Variants in KCNK5 observed in about 807,000 individuals in gnomAD.
KCNK5 encodes the protein potassium two pore domain channel subfamily K member 5.
KCNK5 carries 18 observed loss-of-function variants against 32.9 expected under a neutral mutation model. That is an observed-to-expected ratio of 0.55 (90% CI 0.38 to 0.81). The LOEUF (loss-of-function observed/expected upper bound fraction) is 0.81. Ranked by LOEUF, KCNK5 falls within the 30% of genes least tolerant of loss-of-function variation. The pLI is 0.00. For synonymous variants in KCNK5, 276 were observed against 275.3 expected (o/e 1.00, Z -0.03); for missense variants, 507 against 651.0 (o/e 0.78, Z 2.41).
Position 39,229,277 on chromosome 6 carries a change from G to A in KCNK5, c.-166C>T. 1 of 761,940 alleles carries A rather than the reference G, an allele frequency of 1.3e-6. No homozygotes were observed. Among genetic ancestry groups the A allele is most frequent in the Non-Finnish European group, 2.1e-6 (1 of 485,216 alleles). 47.2% of individuals were successfully genotyped at this position (761,940 alleles called of 1,614,324 possible). On this transcript the variant is annotated 5_prime_UTR_variant, in exon 1 of 5. Coordinates refer to ENST00000359534, the MANE Select transcript of KCNK5 (RefSeq NM_003740.4). ...ACCGCTCCCCGGACAGAGTTGCTTG[G>A]CCAAGTTGGCCCACGGAGTGCGGGG...
chr6:39,211,872 G>C (rs540304067), intron 1 of KCNK5, among the ~76,000 whole-genome samples: 1 of 152,256 alleles, frequency 6.6e-6, no homozygotes, highest in East Asian at 1.9e-4. Context: ...GTTGAGGCAA[G>C]AGAATCTCTT....
At chr6:39,221,859 C>T (rs1325475243) in intron 1 of KCNK5, among the ~76,000 whole-genome samples, 1 of 152,218 alleles carries the variant, frequency 6.6e-6, no homozygotes, top group Non-Finnish European at 1.5e-5. Flanking sequence ...CATCTACAAC[C>T]CACCACTGAG....
In KCNK5 at chr6:39,207,387, T is replaced by A. The variant is rs1200494693; in HGVS notation, c.187-11400A>T. The stretch of plus-strand genomic sequence containing the variant: ...CTAGCTCTAGTATGTGCTCAAGTAT[T>A]TGCCAATGAATGACTGAGTCTCCAA... On this transcript the variant is annotated intron_variant, in intron 1 of 4. Coordinates refer to ENST00000359534, the MANE Select transcript of KCNK5 (RefSeq NM_003740.4). 6.1e-4 allele frequency among the ~76,000 whole-genome samples: 93 copies of A among 152,194 alleles called. 1 individual carries two copies. The highest frequency in any genetic ancestry group is 6.0e-3 in the Admixed American group (92 of 15,282).
At chr6:39,200,945 TG>T in intron 1 of KCNK5, among the ~76,000 whole-genome samples, 1 of 152,004 alleles carries the variant, frequency 6.6e-6, no homozygotes, top group Non-Finnish European at 1.5e-5. Flanking sequence ...CAGGGCAAGG[TG>T]GGGGCTTCCC....
At chr6:39,206,741 T>G (rs1771232044) in intron 1 of KCNK5, among the ~76,000 whole-genome samples, 1 of 152,096 alleles carries the variant, frequency 6.6e-6, no homozygotes, top group African/African-American at 2.4e-5. Flanking sequence ...GACTCCAGCA[T>G]CCACTAGCGG....
chr6:39,193,553 C>T (rs61507417), intron 4 of KCNK5, among the ~76,000 whole-genome samples: 1 of 152,232 alleles, frequency 6.6e-6, no homozygotes, highest in African/African-American at 2.4e-5. Flanking sequence ...ACATGTGTGG[C>T]TGGGGCCAGC....
intron 1 of KCNK5, among the ~76,000 whole-genome samples, chr6:39,202,962 A>T (rs1771157589): frequency 6.6e-6 from 1 of 152,168 alleles, no homozygotes; most frequent in Non-Finnish European, 1.5e-5. Flanking sequence ...GCACACATGA[A>T]AAGAACCTAG....
intron 1 of KCNK5, among the ~76,000 whole-genome samples, chr6:39,226,810 G>A (rs1295222832): frequency 6.6e-6 from 1 of 152,100 alleles, no homozygotes; most frequent in Non-Finnish European, 1.5e-5. Context: ...TTCCTATGAC[G>A]GGAAGGGACT....
intron 1 of KCNK5, among the ~76,000 whole-genome samples, chr6:39,210,787 G>T (rs1214745331): frequency 5.9e-5 from 9 of 152,186 alleles, no homozygotes; most frequent in Non-Finnish European, 1.0e-4. Flanking sequence ...CAAACCAACA[G>T]CGAGGCCAGG....
At chr6:39,218,653 G>A (rs1470474119) in intron 1 of KCNK5, among the ~76,000 whole-genome samples, 1 of 152,178 alleles carries the variant, frequency 6.6e-6, no homozygotes, top group African/African-American at 2.4e-5. Context: ...GGATGCACAC[G>A]AGCACAGTCT....
intron 1 of KCNK5, among the ~76,000 whole-genome samples, chr6:39,212,067 C>T (rs1489428191): frequency 1.3e-5 from 2 of 151,352 alleles, no homozygotes; most frequent in Non-Finnish European, 2.9e-5. Context: ...GTAGGCAGAT[C>T]ACTTGGAAGT....
chr6:39,196,704 C>T (rs1771037734), intron 1 of KCNK5, among the ~76,000 whole-genome samples: 1 of 152,236 alleles, frequency 6.6e-6, no homozygotes, highest in African/African-American at 2.4e-5. Flanking sequence ...TTCCCTGTAG[C>T]CCTTTCTCTC....
intron 1 of KCNK5, among the ~76,000 whole-genome samples, chr6:39,198,961 G>A (rs1360231130): frequency 6.6e-6 from 1 of 152,180 alleles, no homozygotes; most frequent in African/African-American, 2.4e-5. Flanking sequence ...GTTCTCCACT[G>A]GGGTGGTAGT....
chr6:39,212,521 G>A (rs541996502), intron 1 of KCNK5, among the ~76,000 whole-genome samples: 37 of 152,306 alleles, frequency 2.4e-4, no homozygotes, highest in African/African-American at 8.7e-4. Context: ...ACAGTCCTGT[G>A]CTGTTTCAAG....
intron 1 of KCNK5, among the ~76,000 whole-genome samples, chr6:39,219,850 G>A (rs1771508427): frequency 1.3e-5 from 2 of 152,250 alleles, no homozygotes; most frequent in African/African-American, 4.8e-5. Flanking sequence ...GGAAGACATG[G>A]CCACTGCCCA....
At chr6:39,195,774 T>C (rs1339440273) in intron 2 of KCNK5, 102 bp downstream of exon 2, 12 of 724,852 alleles carry the variant, frequency 1.7e-5, no homozygotes, top group Non-Finnish European at 2.8e-5. Context: ...ACTGATCTGA[T>C]TGTACCCCCA....
intron 1 of KCNK5, among the ~76,000 whole-genome samples, chr6:39,209,304 AC>A (rs1157321082): frequency 6.6e-6 from 1 of 152,012 alleles, no homozygotes; most frequent in African/African-American, 2.4e-5. Flanking sequence ...ACCATGCACT[AC>A]CCCTGCCCTC....
intron 1 of KCNK5, among the ~76,000 whole-genome samples, chr6:39,212,407 T>A (rs1019867226): frequency 1.3e-5 from 2 of 152,186 alleles, no homozygotes; most frequent in African/African-American, 2.4e-5. Flanking sequence ...ATCAAGCACA[T>A]CCTACCTGCA....
At chr6:39,197,316 C>T (rs181873609) in intron 1 of KCNK5, among the ~76,000 whole-genome samples, 95 of 152,324 alleles carry the variant, frequency 6.2e-4, no homozygotes, top group Middle Eastern at 3.4e-3. Flanking sequence ...AAGCAGCAGC[C>T]GGCCTGCGTA....
Sources: gnomAD v4.1 joint callset for allele counts (sites outside exome capture counted in the v4.1 genomes callset) on GRCh38, gnomAD v4.1.1 for gene constraint, MANE v1.5 for transcripts, NCBI Gene and HGNC (gene_info 2026-07-23, HGNC 2026-07-21) for gene names.